Variants in SAMMSON observed in about 807,000 individuals in gnomAD.
SAMMSON encodes the protein survival associated mitochondrial melanoma specific oncogenic non-coding RNA.
At position 70,234,655 on chromosome 3, in the gene SAMMSON, AG is replaced by A. The variant is rs752969231; in HGVS notation, n.508-14451del. On this transcript the variant is annotated intron_variant and non_coding_transcript_variant, in intron 4 of 9. Coordinates refer to ENST00000642114, the Ensembl canonical transcript of SAMMSON. ...ACCCTGGCTCAAAAAAAAAAAAAAA[AG>A]TTTCTGGTGCTTAATAGAGCTATGG... Among the ~76,000 whole-genome samples the A allele has an allele frequency of 2.9e-3, 435 of 150,768 alleles. 2 individuals carry two copies. Among genetic ancestry groups the A allele is most frequent in the Non-Finnish European group, 4.8e-3 (326 of 67,764 alleles).
At chr3:70,090,854 G>T (rs139474887) in intron 4 of SAMMSON, among the ~76,000 whole-genome samples, 25 of 150,942 alleles carry the variant, frequency 1.7e-4, no homozygotes, top group African/African-American at 5.8e-4. Context: ...GAATACTAAA[G>T]CTGCCTGAAT....
At chr3:70,372,649 G>C (rs1455494792) in intron 9 of SAMMSON, among the ~76,000 whole-genome samples, 1 of 152,018 alleles carries the variant, frequency 6.6e-6, no homozygotes, top group Non-Finnish European at 1.5e-5. Flanking sequence ...CTAGATGCTG[G>C]TACTTTTTGC....
At chr3:70,320,922 C>T (rs2106716847) in intron 7 of SAMMSON, among the ~76,000 whole-genome samples, 1 of 152,004 alleles carries the variant, frequency 6.6e-6, no homozygotes, top group East Asian at 1.9e-4. Flanking sequence ...GTAAAGTGGA[C>T]ATAATAATGG....
intron 6 of SAMMSON, among the ~76,000 whole-genome samples, chr3:70,260,144 C>T (rs949035340): frequency 2.0e-5 from 3 of 152,142 alleles, no homozygotes; most frequent in Admixed American, 1.3e-4. Flanking sequence ...ATCAAGGTGT[C>T]GGCAGAGCCA....
chr3:70,372,518 T>C (rs1481431315), intron 9 of SAMMSON, among the ~76,000 whole-genome samples: 1 of 152,106 alleles, frequency 6.6e-6, no homozygotes, highest in African/African-American at 2.4e-5. Flanking sequence ...CAGGCTGGTC[T>C]CAAACTCCTG....
At chr3:70,409,791 T>C (rs1701203953) in intron 2 of SAMMSON, among the ~76,000 whole-genome samples, 1 of 152,184 alleles carries the variant, frequency 6.6e-6, no homozygotes. Context: ...ATAGATAGAT[T>C]TGTTCTTTTA....
intron 7 of SAMMSON, among the ~76,000 whole-genome samples, chr3:70,325,255 G>A (rs556927177): frequency 3.3e-5 from 5 of 152,242 alleles, no homozygotes; most frequent in African/African-American, 1.2e-4. Context: ...CTGTTATGCA[G>A]GAAACATCCT....
At chr3:70,233,680 C>T (rs142075987) in intron 4 of SAMMSON, among the ~76,000 whole-genome samples, 40 of 152,222 alleles carry the variant, frequency 2.6e-4, no homozygotes, top group Non-Finnish European at 4.3e-4. Context: ...AGGCAACCTG[C>T]GACCCATTCT....
intron 2 of SAMMSON, among the ~76,000 whole-genome samples, chr3:70,408,653 GTCAAAGCCAT>G (rs1465819533): frequency 6.6e-6 from 1 of 152,046 alleles, no homozygotes; most frequent in Non-Finnish European, 1.5e-5. Flanking sequence ...CAGGGTTTTG[GTCAAAGCCAT>G]TCAATGAGTC....
intron 4 of SAMMSON, among the ~76,000 whole-genome samples, chr3:70,137,368 T>A (rs1177999155): frequency 6.6e-6 from 1 of 152,178 alleles, no homozygotes; most frequent in African/African-American, 2.4e-5. Context: ...TTTTATATGG[T>A]TTATGAGCTA....
chr3:70,183,475 T>C (rs6549292), intron 4 of SAMMSON: 131,039 of 152,196 alleles, frequency 0.86, 56,982 homozygotes, highest in African/African-American at 0.91. Flanking sequence ...ACTGAACCTC[T>C]GACTTAACTA....
chr3:70,363,291 A>C (rs1027884876), intron 9 of SAMMSON, among the ~76,000 whole-genome samples: 19 of 152,056 alleles, frequency 1.2e-4, no homozygotes, highest in African/African-American at 4.1e-4. Context: ...GCCCACTTTC[A>C]CCACTCTTAT....
intron 4 of SAMMSON, among the ~76,000 whole-genome samples, chr3:70,218,206 A>G (rs1412951242): frequency 6.6e-6 from 1 of 152,152 alleles, no homozygotes. Flanking sequence ...AACCTATGCA[A>G]TGGGGTTAAA....
chr3:70,243,904 T>G (rs930218833), intron 4 of SAMMSON, among the ~76,000 whole-genome samples: 2 of 152,194 alleles, frequency 1.3e-5, no homozygotes, highest in African/African-American at 4.8e-5. Context: ...AATAATTGTC[T>G]ATAGTTTCCT....
chr3:70,067,506 C>G (rs1036885864), intron 3 of SAMMSON, among the ~76,000 whole-genome samples: 1 of 152,020 alleles, frequency 6.6e-6, no homozygotes, highest in African/African-American at 2.4e-5. Flanking sequence ...CTCGCCCCCA[C>G]TTGGAACTAA....
At chr3:70,259,781 G>A (rs1282477430) in intron 6 of SAMMSON, among the ~76,000 whole-genome samples, 1 of 152,092 alleles carries the variant, frequency 6.6e-6, no homozygotes, top group Non-Finnish European at 1.5e-5. Flanking sequence ...AAAACTGACC[G>A]AGACTGGGTC....
chr3:70,059,305 G>A (rs1360792467), intron 3 of SAMMSON, among the ~76,000 whole-genome samples: 2 of 152,018 alleles, frequency 1.3e-5, no homozygotes, highest in Non-Finnish European at 2.9e-5. Context: ...AGTAGCCAGG[G>A]TTATTCAGAT....
intron 4 of SAMMSON, among the ~76,000 whole-genome samples, chr3:70,109,357 A>G (rs575368597): frequency 4.6e-5 from 7 of 152,082 alleles, no homozygotes; most frequent in South Asian, 2.1e-4. Context: ...TAAGCCCCCA[A>G]TTGTGTGGAG....
At chr3:70,027,899 G>A (rs1327636376) in intron 3 of SAMMSON, among the ~76,000 whole-genome samples, 1 of 152,140 alleles carries the variant, frequency 6.6e-6, no homozygotes, top group Non-Finnish European at 1.5e-5. Flanking sequence ...AAAGAATACA[G>A]AAGACATCTC....
Sources: allele counts gnomAD v4.1 joint callset (sites outside exome capture counted in the v4.1 genomes callset), GRCh38; gene constraint gnomAD v4.1.1; transcripts MANE v1.5; gene names NCBI Gene and HGNC (gene_info 2026-07-23, HGNC 2026-07-21).